Variants in NTRK2 observed in about 807,000 individuals in gnomAD.
The protein encoded by NTRK2 is neurotrophic receptor tyrosine kinase 2.
Under a neutral mutation model 94.5 loss-of-function variants are expected in NTRK2, and 13 were observed. That is an observed-to-expected ratio of 0.14 (90% confidence interval 0.09 to 0.22). NTRK2 has a LOEUF of 0.22. NTRK2 is among the 10% of genes least tolerant of loss of function. The probability of loss-of-function intolerance (pLI) is 1.00; values close to 1 mark genes in which losing one functional copy is unlikely to be tolerated. For missense variants in NTRK2, 639 were observed against 1,071.2 expected (o/e 0.60, Z 5.63); for synonymous variants, 372 against 407.4 (o/e 0.91, Z 1.05).
chr9:84,853,096 T>C (rs899678644), intron 12 of NTRK2, among the ~76,000 whole-genome samples: 3 of 152,126 alleles, frequency 2.0e-5, no homozygotes, highest in African/African-American at 7.2e-5. Flanking sequence ...TCTAGGCCGG[T>C]TGACTGAGTG....
At position 84,948,545 on chromosome 9, in the gene NTRK2, C is replaced by A. The variant is rs2289657; in HGVS notation, c.1848C>A (p.Ile616=). 71,155 of 1,614,016 alleles carry A rather than the reference C, an allele frequency of 0.044. 1,839 individuals are homozygous for A. The highest frequency in any genetic ancestry group is 0.099 in the Admixed American group (5,936 of 60,002). The change falls in exon 16 of 19, where the codon ATC becomes ATA. Residue 616 remains isoleucine, a synonymous_variant. Coordinates refer to ENST00000277120, the MANE Select transcript of NTRK2 (RefSeq NM_006180.6). ...TGACCAACCTCCAGCATGAGCACAT[C>A]GTCAAGTTCTATGGCGTCTGCGTGG... is the stretch of plus-strand genomic sequence containing the variant. ...ELLTNLQHEH[I]VKFYGVCVEG...
intron 10 of NTRK2, among the ~76,000 whole-genome samples, chr9:84,742,888 C>A (rs146837766): frequency 0.011 from 1,628 of 150,250 alleles, 34 homozygotes; most frequent in African/African-American, 0.038. Context: ...GCAACCTCCG[C>A]CTCCCGAGTT....
chr9:84,781,161 A>T (rs2067526126), intron 12 of NTRK2, among the ~76,000 whole-genome samples: 2 of 152,140 alleles, frequency 1.3e-5, no homozygotes, highest in Non-Finnish European at 2.9e-5. Context: ...TCCAAACCTT[A>T]TGTGTACAAA....
chr9:85,009,658 T>TTTGTTATATTA (rs1184151545), intron 17 of NTRK2, among the ~76,000 whole-genome samples: 1 of 152,174 alleles, frequency 6.6e-6, no homozygotes, highest in Non-Finnish European at 1.5e-5. Flanking sequence ...GGAAAGCTAA[T>TTTGTTATATTA]TTGTTATATT....
At chr9:84,777,653 T>C (rs2067179758) in intron 12 of NTRK2, among the ~76,000 whole-genome samples, 1 of 152,154 alleles carries the variant, frequency 6.6e-6, no homozygotes. Flanking sequence ...TAATTTGTAA[T>C]GTTTGCTGAT....
intron 2 of NTRK2, among the ~76,000 whole-genome samples, chr9:84,695,069 A>C (rs1035657093): frequency 6.1e-4 from 87 of 143,586 alleles, no homozygotes; most frequent in African/African-American, 2.2e-3. Flanking sequence ...AAAAAAAAAA[A>C]AAAAACACAC....
intron 12 of NTRK2, among the ~76,000 whole-genome samples, chr9:84,820,813 C>A (rs2072764352): frequency 6.6e-6 from 1 of 152,150 alleles, no homozygotes; most frequent in African/African-American, 2.4e-5. Flanking sequence ...GGGCTATGGC[C>A]TAATGGTAAT....
chr9:84,699,872 G>C (rs2060617811), intron 2 of NTRK2, among the ~76,000 whole-genome samples: 2 of 150,578 alleles, frequency 1.3e-5, no homozygotes, highest in South Asian at 2.1e-4. Context: ...GTATTCTATT[G>C]AATAAAACCG....
chr9:84,947,271 A>G (rs969149879), intron 15 of NTRK2, among the ~76,000 whole-genome samples: 1 of 152,144 alleles, frequency 6.6e-6, no homozygotes. Context: ...TTGCTCTTAT[A>G]AGGACCCTTG....
intron 2 of NTRK2, among the ~76,000 whole-genome samples, chr9:84,697,080 C>A (rs529361436): frequency 6.6e-6 from 1 of 152,130 alleles, no homozygotes; most frequent in Non-Finnish European, 1.5e-5. Context: ...GAGGGACTGA[C>A]GAGGTGAGAG....
intron 12 of NTRK2, among the ~76,000 whole-genome samples, chr9:84,779,445 C>T (rs2067354640): frequency 6.6e-6 from 1 of 152,212 alleles, no homozygotes; most frequent in Admixed American, 6.5e-5. Flanking sequence ...TTTCCAACCC[C>T]CTCATCTTTT....
intron 9 of NTRK2, among the ~76,000 whole-genome samples, chr9:84,740,083 C>A (rs966242161): frequency 6.6e-6 from 1 of 152,164 alleles, no homozygotes; most frequent in East Asian, 1.9e-4. Context: ...TTACTGAGTA[C>A]TTTGAAGACT....
In NTRK2 at chr9:84,972,658, A is replaced by G. The variant is rs144986106; in HGVS notation, c.2172+17141A>G. 2.6e-5 allele frequency among the ~76,000 whole-genome samples: 4 copies of G among 152,354 alleles called. No homozygotes were observed. In the East Asian group the frequency reaches 7.7e-4, roughly 29 times the overall value. On this transcript the variant is annotated intron_variant, in intron 17 of 18. Coordinates refer to ENST00000277120, the MANE Select transcript of NTRK2 (RefSeq NM_006180.6). ...TGGGGTTTAGCTTTATAATGTATAA[A>G]TACTACCAACTTGAAGTTTTAGAAA...
At chr9:84,744,361 C>T (rs2063885079) in intron 10 of NTRK2, among the ~76,000 whole-genome samples, 1 of 152,106 alleles carries the variant, frequency 6.6e-6, no homozygotes, top group African/African-American at 2.4e-5. Context: ...ATTGGCAATT[C>T]AGAACTCTTC....
intron 14 of NTRK2, among the ~76,000 whole-genome samples, chr9:84,868,997 T>A (rs1211382913): frequency 1.3e-5 from 2 of 152,130 alleles, no homozygotes; most frequent in African/African-American, 2.4e-5. Flanking sequence ...TAAAGCTGCA[T>A]AATTAAGTAG....
chr9:84,865,205 C>T (rs187393042), intron 13 of NTRK2, among the ~76,000 whole-genome samples: 53 of 152,234 alleles, frequency 3.5e-4, no homozygotes, highest in African/African-American at 1.0e-3. Flanking sequence ...AGGCACAAGA[C>T]GAACACAACT....
At chr9:84,838,181 C>G (rs1414309379) in intron 12 of NTRK2, among the ~76,000 whole-genome samples, 1 of 152,048 alleles carries the variant, frequency 6.6e-6, no homozygotes, top group Non-Finnish European at 1.5e-5. Flanking sequence ...GCAAACGTGT[C>G]ACTCAGAATA....
chr9:85,009,726 C>T (rs2133494441), intron 17 of NTRK2, among the ~76,000 whole-genome samples: 1 of 152,240 alleles, frequency 6.6e-6, no homozygotes, highest in African/African-American at 2.4e-5. Flanking sequence ...ACGAAGATCA[C>T]AATTGCTATG....
At chr9:84,985,963 T>C (rs1251603720) in intron 17 of NTRK2, among the ~76,000 whole-genome samples, 1 of 152,186 alleles carries the variant, frequency 6.6e-6, no homozygotes, top group Non-Finnish European at 1.5e-5. Context: ...GCTCCAGGAC[T>C]CTTTGAATTT....
Sources: allele counts gnomAD v4.1 joint callset (sites outside exome capture counted in the v4.1 genomes callset), GRCh38; gene constraint gnomAD v4.1.1; transcripts MANE v1.5; gene names NCBI Gene and HGNC (gene_info 2026-07-23, HGNC 2026-07-21).